ARFIP1: variants seen among roughly 807,000 people sequenced by gnomAD.
ARFIP1 encodes arfaptin-1.
A neutral mutation model predicts 42.5 loss-of-function variants in ARFIP1; 24 were observed. That is an observed-to-expected ratio of 0.57 (90% confidence interval 0.41 to 0.80). ARFIP1 has a LOEUF of 0.80. Among genes scored for constraint, ARFIP1 ranks in the 30% least tolerant of loss-of-function variants. ARFIP1 has a pLI of 0.00. For synonymous variants in ARFIP1, 141 were observed against 153.7 expected (o/e 0.92, Z 0.61); for missense variants, 354 against 434.0 (o/e 0.82, Z 1.64).
In ARFIP1 at chr4:152,880,956, CT is replaced by C. The variant is rs1561166288; in HGVS notation, c.412-3del. ...CTTTCTAAACAAAATGCATCTTCCACTTTTAGTGTACTCGACAGATTATCTC... is the reference window on the plus strand; with the variant it reads ...CTTTCTAAACAAAATGCATCTTCCACTTTAGTGTACTCGACAGATTATCTC... On this transcript the variant is annotated splice_polypyrimidine_tract_variant and splice_region_variant and intron_variant, in intron 5 of 8. Coordinates refer to ENST00000353617, the MANE Select transcript of ARFIP1 (RefSeq NM_001025595.3). 6.2e-7 allele frequency: 1 copy of C among 1,604,264 alleles called. No homozygotes were observed. Among genetic ancestry groups the C allele is most frequent in the East Asian group, 2.2e-5 (1 of 44,820 alleles).
intron 8 of ARFIP1, among the ~76,000 whole-genome samples, chr4:152,899,618 C>T (rs1352122485): frequency 1.3e-5 from 2 of 152,118 alleles, no homozygotes; most frequent in Non-Finnish European, 2.9e-5. Flanking sequence ...TGTGTTCATC[C>T]CTTCCTCCTC....
At chr4:152,889,201 A>T (rs1736519091) in intron 8 of ARFIP1, among the ~76,000 whole-genome samples, 1 of 152,110 alleles carries the variant, frequency 6.6e-6, no homozygotes, top group African/African-American at 2.4e-5. Flanking sequence ...AGGGCATTTT[A>T]GTAAACTATA....
At chr4:152,879,311 AAAG>A (rs1216692207) in intron 5 of ARFIP1, among the ~76,000 whole-genome samples, 3 of 152,202 alleles carry the variant, frequency 2.0e-5, no homozygotes, top group South Asian at 2.1e-4. Context: ...TGTTCATAGA[AAAG>A]AAATATTCAG....
At chr4:152,791,078 C>T (rs955130591) in intron 1 of ARFIP1, among the ~76,000 whole-genome samples, 1 of 151,960 alleles carries the variant, frequency 6.6e-6, no homozygotes, top group African/African-American at 2.4e-5. Flanking sequence ...CTTAATTTAT[C>T]AATATGTAAA....
Position 152,808,283 on chromosome 4 carries a change from A to ATTTTTTTTTTTTTTTTTTTT in ARFIP1, c.-9-21327_-9-21308dup, listed in dbSNP as rs61135783. ...GTGTGAGCCACCACGCCTGGCCTCC[A>ATTTTTTTTTTTTTTTTTTTT]TTTTTTTTTTTTTTTTTTTTTTTTT... On this transcript the variant is annotated intron_variant, in intron 1 of 8. Transcript: ENST00000353617. Among the ~76,000 whole-genome samples the ATTTTTTTTTTTTTTTTTTTT allele has an allele frequency of 3.2e-3, 65 of 20,316 alleles. 6 individuals are homozygous for ATTTTTTTTTTTTTTTTTTTT. The highest frequency in any genetic ancestry group is 8.0e-3 in the East Asian group (5 of 624). The allele number at this position is 20,316 out of a possible 152,430, so 13.3% of individuals were successfully genotyped here. A position where few individuals can be genotyped will look rare whatever the true frequency, so the allele number is the denominator to read the frequency against.
chr4:152,842,879 TG>T (rs1732209232), intron 2 of ARFIP1, among the ~76,000 whole-genome samples: 1 of 152,184 alleles, frequency 6.6e-6, no homozygotes, highest in Admixed American at 6.5e-5. Flanking sequence ...GGTCCCTCCC[TG>T]GTTAGCTTAA....
chr4:152,891,946 G>C (rs549070159), intron 8 of ARFIP1, among the ~76,000 whole-genome samples: 1 of 152,144 alleles, frequency 6.6e-6, no homozygotes, highest in African/African-American at 2.4e-5. Context: ...GAGCTCAGGT[G>C]ATCCACCCAC....
At chr4:152,860,767 A>C (rs986660361) in intron 2 of ARFIP1, among the ~76,000 whole-genome samples, 2 of 152,196 alleles carry the variant, frequency 1.3e-5, no homozygotes, top group African/African-American at 2.4e-5. Context: ...TAGCTAGAAA[A>C]AGGAAACCAA....
chr4:152,845,372 G>A (rs1424205222), intron 2 of ARFIP1, among the ~76,000 whole-genome samples: 3 of 152,088 alleles, frequency 2.0e-5, no homozygotes, highest in Non-Finnish European at 4.4e-5. Flanking sequence ...CCTAATTAAA[G>A]AGTTTCTGCA....
chr4:152,794,542 T>A (rs1375163471), intron 1 of ARFIP1, among the ~76,000 whole-genome samples: 1 of 152,212 alleles, frequency 6.6e-6, no homozygotes, highest in Non-Finnish European at 1.5e-5. Flanking sequence ...GTTTTTACAC[T>A]GTGAAGTTAC....
chr4:152,901,579 T>A (rs1361581950), intron 8 of ARFIP1, among the ~76,000 whole-genome samples: 1 of 152,240 alleles, frequency 6.6e-6, no homozygotes, highest in Non-Finnish European at 1.5e-5. Flanking sequence ...TCTAAATTGC[T>A]GTAATTGTTT....
chr4:152,858,188 A>T (rs1733595769), intron 2 of ARFIP1, among the ~76,000 whole-genome samples: 1 of 152,126 alleles, frequency 6.6e-6, no homozygotes, highest in African/African-American at 2.4e-5. Flanking sequence ...GCTACTCGGG[A>T]GGCTGAGGTG....
intron 1 of ARFIP1, among the ~76,000 whole-genome samples, chr4:152,804,089 C>CAT (rs376004673): frequency 0.25 from 19,395 of 76,816 alleles, 4,142 homozygotes; most frequent in Non-Finnish European, 0.32. Context: ...TATAATATAA[C>CAT]GTAATATATA....
intron 1 of ARFIP1, among the ~76,000 whole-genome samples, chr4:152,786,466 A>G (rs1230908784): frequency 1.3e-5 from 2 of 152,196 alleles, no homozygotes; most frequent in African/African-American, 4.8e-5. Context: ...GATAGATCCA[A>G]TGATTGAACA....
chr4:152,799,300 T>C (rs1731658201), intron 1 of ARFIP1, among the ~76,000 whole-genome samples: 1 of 152,234 alleles, frequency 6.6e-6, no homozygotes, highest in Non-Finnish European at 1.5e-5. Context: ...CATTTTTTAG[T>C]TGAACAAATT....
At chr4:152,885,965 C>T (rs1197092717) in intron 7 of ARFIP1, among the ~76,000 whole-genome samples, 4 of 151,922 alleles carry the variant, frequency 2.6e-5, no homozygotes, top group Admixed American at 6.6e-5. Flanking sequence ...GATTGAAAAA[C>T]TGGAGCACAA....
At chr4:152,785,290 A>G (rs1578792139) in intron 1 of ARFIP1, among the ~76,000 whole-genome samples, 1 of 152,162 alleles carries the variant, frequency 6.6e-6, no homozygotes, top group South Asian at 2.1e-4. Flanking sequence ...TTTTATTTTT[A>G]CTCCAGCCAT....
At chr4:152,845,842 G>C (rs914445797) in intron 2 of ARFIP1, among the ~76,000 whole-genome samples, 1 of 152,130 alleles carries the variant, frequency 6.6e-6, no homozygotes, top group African/African-American at 2.4e-5. Flanking sequence ...CCATGACTGG[G>C]TATATATCCA....
chr4:152,861,323 T>TA (rs1733875393), intron 2 of ARFIP1, among the ~76,000 whole-genome samples: 1 of 152,222 alleles, frequency 6.6e-6, no homozygotes, highest in Admixed American at 6.5e-5. Context: ...TTCTATTCTT[T>TA]ATAGCCACCT....
Sources: gnomAD v4.1 joint callset for allele counts (sites outside exome capture counted in the v4.1 genomes callset) on GRCh38, gnomAD v4.1.1 for gene constraint, MANE v1.5 for transcripts, NCBI Gene and HGNC (gene_info 2026-07-23, HGNC 2026-07-21) for gene names.